The following NEDD4 variants were observed in gnomAD, a reference collection of about 807,000 sequenced individuals.
The protein encoded by NEDD4 is E3 ubiquitin-protein ligase NEDD4.
NEDD4 carries 99 observed loss-of-function variants against 144.9 expected under a neutral mutation model. That is an observed-to-expected ratio of 0.68 (90% confidence interval 0.58 to 0.81). The LOEUF is 0.81. NEDD4 is among the 30% of genes least tolerant of loss of function. The pLI is 0.00. For missense variants in NEDD4, 985 were observed against 1,065.9 expected (o/e 0.92, Z 1.06); for synonymous variants, 318 against 350.6 (o/e 0.91, Z 1.04).
At chr15:55,876,250 C>CT (rs2034988658) in intron 5 of NEDD4, among the ~76,000 whole-genome samples, 1 of 151,978 alleles carries the variant, frequency 6.6e-6, no homozygotes. Flanking sequence ...ACAGAATATG[C>CT]TATAGGAAGT....
chr15:55,881,437 A>G (rs1203714971), intron 5 of NEDD4, among the ~76,000 whole-genome samples: 1 of 152,162 alleles, frequency 6.6e-6, no homozygotes, highest in East Asian at 1.9e-4. Flanking sequence ...CACAGTGCCC[A>G]GCCAGTATGT....
intron 2 of NEDD4, among the ~76,000 whole-genome samples, chr15:55,956,828 T>C (rs2037346122): frequency 6.6e-6 from 1 of 152,216 alleles, no homozygotes. Flanking sequence ...AGCTTATCAA[T>C]TTCTCTGAAA....
At chr15:55,906,965 C>T (rs36110450) in intron 5 of NEDD4, among the ~76,000 whole-genome samples, 9,162 of 151,666 alleles carry the variant, frequency 0.06, 366 homozygotes, top group Non-Finnish European at 0.089. Flanking sequence ...ACAGGTGGCA[C>T]GTACCTGTAA....
At chr15:55,954,267 C>T (rs1414613266) in intron 2 of NEDD4, among the ~76,000 whole-genome samples, 3 of 152,164 alleles carry the variant, frequency 2.0e-5, no homozygotes, top group East Asian at 1.9e-4. Context: ...TCATACCACT[C>T]GAACTGTTCC....
intron 1 of NEDD4, among the ~76,000 whole-genome samples, chr15:55,981,433 G>T (rs1017958798): frequency 6.6e-6 from 1 of 152,040 alleles, no homozygotes. Context: ...ACTAAACACT[G>T]GAACCTATGG....
chr15:55,952,879 C>T (rs985396567), intron 2 of NEDD4: 2 of 152,212 alleles, frequency 1.3e-5, no homozygotes, highest in Non-Finnish European at 2.9e-5. Context: ...TTCTTCCATT[C>T]CCAGTCAAAC....
chr15:55,871,633 CA>C (rs1400762805), intron 7 of NEDD4, among the ~76,000 whole-genome samples: 6 of 151,992 alleles, frequency 3.9e-5, no homozygotes, highest in Admixed American at 1.3e-4. Flanking sequence ...AGTCAGTGAG[CA>C]CTCCTTTTCA....
chr15:55,853,737 C>T lies in NEDD4; in HGVS notation c.1027-1194G>A, dbSNP rs567256232. ...GGCATGATGGCTCACCCCTGTAATC[C>T]CAGCACTTTTGGGGGCTGAGGTGGG... On this transcript the variant is annotated intron_variant, in intron 12 of 28. Coordinates refer to ENST00000435532, the MANE Select transcript of NEDD4 (RefSeq NM_006154.4). Among the ~76,000 whole-genome samples the T allele has an allele frequency of 8.5e-4, 130 of 152,238 alleles. 1 individual carries two copies. The highest frequency in any genetic ancestry group is 3.0e-3 in the African/African-American group (124 of 41,556).
chr15:55,985,674 T>A (rs73420366), intron 1 of NEDD4, among the ~76,000 whole-genome samples: 2 of 152,116 alleles, frequency 1.3e-5, no homozygotes, highest in African/African-American at 4.8e-5. Flanking sequence ...TATGAATTCA[T>A]GATTTTTAAA....
chr15:55,889,862 A>G (rs1410441463), intron 5 of NEDD4, among the ~76,000 whole-genome samples: 2 of 151,960 alleles, frequency 1.3e-5, no homozygotes, highest in Non-Finnish European at 2.9e-5. Context: ...CACCACGCCC[A>G]GCTAATTTCT....
intron 24 of NEDD4, among the ~76,000 whole-genome samples, chr15:55,836,362 ACACACACACAC>A (rs1330927984): frequency 1.3e-5 from 2 of 150,456 alleles, no homozygotes; most frequent in South Asian, 2.1e-4. Flanking sequence ...ACACACACAC[ACACACACACAC>A]TTTAGAGACA....
At chr15:55,836,604 C>A (rs1272242842) in intron 24 of NEDD4, among the ~76,000 whole-genome samples, 1 of 152,106 alleles carries the variant, frequency 6.6e-6, no homozygotes, top group African/African-American at 2.4e-5. Context: ...TGGCTCACTG[C>A]AACCTCTGCC....
At chr15:55,850,888 G>C in intron 13 of NEDD4, 146 bp from the exon 14 acceptor site, 1 of 589,374 alleles carries the variant, frequency 1.7e-6, no homozygotes, top group Non-Finnish European at 2.8e-6. Context: ...TTCAAATGTA[G>C]TTATGGCATG....
rs575771844 is a variant in NEDD4, at chr15:55,911,949, A to C, written c.291+12697T>G. ...TGCTTGGGACAGTGCCTGGCACTCA[A>C]ATGTGTACTGGATGAATTAAACAAG... On this transcript the variant is annotated intron_variant, in intron 5 of 28. Coordinates refer to ENST00000435532, the MANE Select transcript of NEDD4 (RefSeq NM_006154.4). 8.5e-5 allele frequency among the ~76,000 whole-genome samples: 13 copies of C among 152,294 alleles called. 1 individual carries two copies. Among genetic ancestry groups the C allele is most frequent in the Admixed American group, 6.5e-4 (10 of 15,294 alleles).
At chr15:55,942,088 T>C (rs1389356879) in intron 4 of NEDD4, among the ~76,000 whole-genome samples, 1 of 152,042 alleles carries the variant, frequency 6.6e-6, no homozygotes, top group Middle Eastern at 3.2e-3. Context: ...AGTTGTTGTA[T>C]CAGTTACTAG....
chr15:55,845,282 C>T (rs1054853217), intron 18 of NEDD4, among the ~76,000 whole-genome samples: 1 of 152,138 alleles, frequency 6.6e-6, no homozygotes, highest in African/African-American at 2.4e-5. Context: ...ACCAATATGA[C>T]ATGTCATGTT....
chr15:55,978,303 C>T (rs2037738637), intron 1 of NEDD4, among the ~76,000 whole-genome samples: 1 of 152,156 alleles, frequency 6.6e-6, no homozygotes, highest in South Asian at 2.1e-4. Context: ...ATTTTAAATG[C>T]TAAGATTAAT....
chr15:55,852,933 A>G (rs2034051653), intron 12 of NEDD4, among the ~76,000 whole-genome samples: 1 of 151,808 alleles, frequency 6.6e-6, no homozygotes, highest in Admixed American at 6.6e-5. Flanking sequence ...TATTTTTAGT[A>G]TCAACAGGGT....
intron 5 of NEDD4, among the ~76,000 whole-genome samples, chr15:55,884,890 A>G (rs1375631317): frequency 6.6e-6 from 1 of 152,210 alleles, no homozygotes; most frequent in Non-Finnish European, 1.5e-5. Flanking sequence ...GTTTACTCAA[A>G]GGGATAATAA....
Sources: gnomAD v4.1 joint callset for allele counts (sites outside exome capture counted in the v4.1 genomes callset) on GRCh38, gnomAD v4.1.1 for gene constraint, MANE v1.5 for transcripts, NCBI Gene and HGNC (gene_info 2026-07-23, HGNC 2026-07-21) for gene names.